The following LEMD1 variants were observed in gnomAD, a reference collection of about 807,000 sequenced individuals.
LEMD1 encodes the protein LEM domain-containing protein 1.
Under a neutral mutation model 17.4 loss-of-function variants are expected in LEMD1, and 18 were observed. That is an observed-to-expected ratio of 1.04 (90% CI 0.72 to 1.54). LEMD1 has a LOEUF of 1.54. Ranked by LOEUF, LEMD1 falls within the 40% of genes most tolerant of loss-of-function variation. The pLI, the probability that LEMD1 is intolerant of heterozygous loss-of-function variation, is 0.00. For synonymous variants in LEMD1, 88 were observed against 77.8 expected, an observed-to-expected ratio of 1.13 and a Z score of -0.69; for missense variants, 195 against 210.4, an observed-to-expected ratio of 0.93 and a Z score of 0.45.
intron 1 of LEMD1, among the ~76,000 whole-genome samples, chr1:205,431,250 TTGAC>T (rs1438452847): frequency 6.6e-6 from 1 of 152,256 alleles, no homozygotes; most frequent in African/African-American, 2.4e-5. Flanking sequence ...CCTGTGCATA[TTGAC>T]TGAATGTCTA....
chr1:205,403,487 A>G (rs1486503767), intron 4 of LEMD1, among the ~76,000 whole-genome samples: 2 of 151,724 alleles, frequency 1.3e-5, no homozygotes, highest in African/African-American at 4.8e-5. Flanking sequence ...GTTTATTTGC[A>G]TAGAGGTGTT....
At chr1:205,436,488 C>T (rs1030124759) in intron 1 of LEMD1, 1 of 141,124 alleles carries the variant, frequency 7.1e-6, no homozygotes, top group African/African-American at 2.6e-5. Context: ...AACCCCGGCA[C>T]AGTGGGCACT....
chr1:205,408,261 TGGGGAGCCCA>T (rs1053392815), intron 4 of LEMD1, among the ~76,000 whole-genome samples: 5 of 152,034 alleles, frequency 3.3e-5, no homozygotes, highest in African/African-American at 1.2e-4. Context: ...GAATACTTAC[TGGGGAGCCCA>T]GGGGCTTCAT....
chr1:205,389,334 C>T (rs1010121667), intron 4 of LEMD1, among the ~76,000 whole-genome samples: 3 of 152,124 alleles, frequency 2.0e-5, no homozygotes, highest in Non-Finnish European at 4.4e-5. Flanking sequence ...CAGGCGTGAG[C>T]CACTGTGCCC....
At chr1:205,420,352 C>G in intron 2 of LEMD1, 103 bp downstream of exon 2, 1 of 856,014 alleles carries the variant, frequency 1.2e-6, no homozygotes, top group Non-Finnish European at 1.9e-6. Context: ...CTCTATGTTC[C>G]TATTTCTATT....
chr1:205,384,598 C>A (rs1663897422), intron 4 of LEMD1, among the ~76,000 whole-genome samples: 2 of 152,202 alleles, frequency 1.3e-5, no homozygotes, highest in Non-Finnish European at 2.9e-5. Flanking sequence ...AATACACATA[C>A]AAGGGACTAG....
chr1:205,417,947 A>C (rs915209594), intron 3 of LEMD1, among the ~76,000 whole-genome samples: 3 of 151,834 alleles, frequency 2.0e-5, no homozygotes, highest in African/African-American at 7.3e-5. Flanking sequence ...TCCAAATCTC[A>C]GTTCTCTCAC....
chr1:205,417,432 G>T (rs1266952447), intron 3 of LEMD1, among the ~76,000 whole-genome samples: 1 of 152,196 alleles, frequency 6.6e-6, no homozygotes, highest in Non-Finnish European at 1.5e-5. Context: ...CTGGGAAGTC[G>T]TGAACAGTTC....
chr1:205,396,442 T>C (rs925893557), intron 4 of LEMD1, among the ~76,000 whole-genome samples: 1 of 152,212 alleles, frequency 6.6e-6, no homozygotes, highest in Non-Finnish European at 1.5e-5. Flanking sequence ...TGTAGGTACA[T>C]TCATGCAATC....
intron 3 of LEMD1, among the ~76,000 whole-genome samples, chr1:205,417,473 C>G (rs1665745933): frequency 6.6e-6 from 1 of 152,138 alleles, no homozygotes; most frequent in South Asian, 2.1e-4. Context: ...TGCTTTTCAC[C>G]AGAGTGTTGG....
upstream of LEMD1, among the ~76,000 whole-genome samples, chr1:205,424,006 G>T (rs1666024109): frequency 6.6e-6 from 1 of 152,122 alleles, no homozygotes; most frequent in African/African-American, 2.4e-5. Context: ...TTCAGTCTCA[G>T]GTTTGACGTG....
chr1:205,423,853 T>C (rs1666021012), upstream of LEMD1, among the ~76,000 whole-genome samples: 1 of 152,192 alleles, frequency 6.6e-6, no homozygotes, highest in Admixed American at 6.5e-5. Context: ...CAAGTTTTAA[T>C]TGAGTAGGTA....
At chr1:205,438,163 G>A (rs891273665) in intron 1 of LEMD1, among the ~76,000 whole-genome samples, 6 of 152,154 alleles carry the variant, frequency 3.9e-5, no homozygotes, top group African/African-American at 1.4e-4. Context: ...GCCCAAGAGG[G>A]AAAATGGCCA....
chr1:205,415,506 GA>G (rs1299847843), intron 4 of LEMD1, among the ~76,000 whole-genome samples: 1 of 152,180 alleles, frequency 6.6e-6, no homozygotes, highest in Non-Finnish European at 1.5e-5. Flanking sequence ...GCAGAATTCT[GA>G]AATCTAAGAA....
chr1:205,449,238 C>T (rs1482517027), intron 1 of LEMD1, among the ~76,000 whole-genome samples: 2 of 152,160 alleles, frequency 1.3e-5, no homozygotes, highest in African/African-American at 2.4e-5. Context: ...GGTCTCAGGG[C>T]CCTGGAAAAG....
rs767793976 is a variant in LEMD1, at chr1:205,381,897, T to A, written c.348-41A>T. ...TGGCTCTTAGGATTGTGGACAGCTG[T>A]GGTGCACTTGAGTAGCCCCTTAAAG... On this transcript the variant is annotated intron_variant, in intron 5 of 5. Coordinates refer to ENST00000367153, the MANE Select transcript of LEMD1 (RefSeq NM_001199050.2). 3.1e-6 allele frequency: 5 copies of A among 1,601,428 alleles called. No individual in the cohort carries two copies. In the Admixed American group the frequency reaches 8.3e-5, roughly 27 times the overall value.
chr1:205,389,290 C>T (rs1664219189), intron 4 of LEMD1, among the ~76,000 whole-genome samples: 1 of 151,956 alleles, frequency 6.6e-6, no homozygotes, highest in Non-Finnish European at 1.5e-5. Flanking sequence ...CTTAAGTGAT[C>T]CACCCACCTC....
intron 4 of LEMD1, among the ~76,000 whole-genome samples, chr1:205,388,479 A>G (rs1034887256): frequency 2.0e-5 from 3 of 152,190 alleles, no homozygotes; most frequent in South Asian, 2.1e-4. Flanking sequence ...GTGAGCCACC[A>G]TGCCTGGCCA....
intron 4 of LEMD1, among the ~76,000 whole-genome samples, chr1:205,413,314 G>T (rs112187894): frequency 3.3e-5 from 5 of 152,068 alleles, no homozygotes; most frequent in African/African-American, 1.2e-4. Flanking sequence ...TTGAGACAGG[G>T]TCTCGCTCTG....
Sources: allele counts gnomAD v4.1 joint callset (sites outside exome capture counted in the v4.1 genomes callset), GRCh38; gene constraint gnomAD v4.1.1; transcripts MANE v1.5; gene names NCBI Gene and HGNC (gene_info 2026-07-23, HGNC 2026-07-21).